Variants in DSTYK observed in about 807,000 individuals in gnomAD.
DSTYK encodes the protein RIP-homologous kinase.
A neutral mutation model predicts 98.7 loss-of-function variants in DSTYK; 34 were observed. The ratio of observed to expected loss-of-function variants is 0.34; its 90% CI spans 0.26 to 0.46. The LOEUF is 0.46. Among genes scored for constraint, DSTYK ranks in the 20% least tolerant of loss-of-function variants. DSTYK has a pLI of 1.00. For missense variants in DSTYK, 962 were observed against 1,181.7 expected (o/e 0.81, Z 2.73); for synonymous variants, 462 against 457.3 (o/e 1.01, Z -0.13).
In DSTYK at chr1:205,187,498, G is replaced by C; in HGVS notation, c.574C>G (p.Leu192Val). The C allele has an allele frequency of 6.2e-7, 1 of 1,614,186 alleles. No homozygotes were observed. Among genetic ancestry groups the C allele is most frequent in the Non-Finnish European group, 8.5e-7 (1 of 1,180,022 alleles). ...GNWETIPEED[L>V]EVQENNEDAA... ...TCCTCATTGTTCTCTTGGACCTCCA[G>C]ATCCTCCTCAGGGATGGTCTCCCAG... The change falls in exon 2 of 13, where the codon CTG (leucine) becomes GTG (valine). Residue 192 changes from leucine (L) to valine (V), a missense_variant. By Grantham distance (32) the Leu-to-Val change is conservative (BLOSUM62 1). Coordinates refer to ENST00000367162, the MANE Select transcript of DSTYK (RefSeq NM_015375.3).
chr1:205,203,155 A>C (rs986530088), intron 1 of DSTYK, among the ~76,000 whole-genome samples: 3 of 152,144 alleles, frequency 2.0e-5, no homozygotes, highest in African/African-American at 7.2e-5. Context: ...ATTGCAAATT[A>C]TAATAAGCTT....
intron 1 of DSTYK, among the ~76,000 whole-genome samples, chr1:205,189,152 CAA>C (rs61199006): frequency 6.6e-6 from 1 of 150,592 alleles, no homozygotes; most frequent in Non-Finnish European, 1.5e-5. Flanking sequence ...AAATCTAAAA[CAA>C]AAAAAAACAA....
chr1:205,166,054 AAAAC>A (rs1657880304), intron 3 of DSTYK, among the ~76,000 whole-genome samples: 1 of 152,162 alleles, frequency 6.6e-6, no homozygotes, highest in Admixed American at 6.5e-5. Context: ...ATAAAAAACA[AAAAC>A]AAACAGCTTA....
At chr1:205,163,986 T>C in intron 3 of DSTYK, 31 bp from the exon 4 acceptor site, 1 of 1,588,716 alleles carries the variant, frequency 6.3e-7, no homozygotes, top group Non-Finnish European at 8.6e-7. Flanking sequence ...GCTGAATAGT[T>C]GTGAGGAAGA....
At position 205,187,778 on chromosome 1, in the gene DSTYK, A is replaced by C. The variant is rs754249242; in HGVS notation, c.294T>G (p.Pro98=). The change falls in exon 2 of 13, where the codon CCT becomes CCG. Residue 98 remains proline (P), a synonymous_variant. Coordinates refer to ENST00000367162, the MANE Select transcript of DSTYK (RefSeq NM_015375.3). ...AGQLSCISFP[P]KEEKYLQQIV... is the part of the protein sequence containing the mutation. ...TCTGCTGGAGGTACTTCTCTTCCTT[A>C]GGTGGGAAGGAAATGCAGCTCAGTT... 39 of 1,613,408 alleles carry C rather than the reference A, an allele frequency of 2.4e-5. No homozygotes were observed. The highest frequency in any genetic ancestry group is 3.2e-5 in the Non-Finnish European group (38 of 1,179,690).
At chr1:205,179,849 G>A (rs1229439006) in intron 2 of DSTYK, among the ~76,000 whole-genome samples, 1 of 152,120 alleles carries the variant, frequency 6.6e-6, no homozygotes, top group Middle Eastern at 3.2e-3. Flanking sequence ...CAATCTCTGA[G>A]TCTCTGAATT....
chr1:205,205,059 T>C (rs1453606656), intron 1 of DSTYK, among the ~76,000 whole-genome samples: 2 of 152,194 alleles, frequency 1.3e-5, no homozygotes, highest in Non-Finnish European at 2.9e-5. Flanking sequence ...GTTTTGGATA[T>C]ACTTGGAAAA....
intron 9 of DSTYK, 133 bp downstream of exon 9, chr1:205,159,414 A>G (rs970638551): frequency 2.1e-5 from 25 of 1,180,128 alleles, no homozygotes; most frequent in Admixed American, 2.9e-5. Flanking sequence ...GTTTTTGGAA[A>G]TAAGTGAAAT....
intron 6 of DSTYK, 91 bp from the exon 7 acceptor site, chr1:205,161,478 A>ATGAAG: frequency 3.1e-6 from 4 of 1,286,780 alleles, no homozygotes; most frequent in South Asian, 1.4e-5. Context: ...TCTACTTCAT[A>ATGAAG]TAGATAATTG....
intron 1 of DSTYK, among the ~76,000 whole-genome samples, chr1:205,200,531 T>G (rs972148918): frequency 2.6e-5 from 4 of 152,294 alleles, no homozygotes; most frequent in African/African-American, 9.6e-5. Context: ...TGCCCTACAC[T>G]CCTACCCACT....
rs759014785 is a variant in DSTYK, at chr1:205,211,270, C to T, written c.265+1G>A. On this transcript the variant is annotated splice_donor_variant, in intron 1 of 12. Transcript: ENST00000367162. LOFTEE classifies it high-confidence loss of function. ...CTCTCCCTCCGGGCTGCCCTCCTTA[C>T]CCGCCTGCAGCCCGGTTTCGGCGAC... 1 of 1,604,350 alleles carries T rather than the reference C, an allele frequency of 6.2e-7. No homozygotes were observed. Among genetic ancestry groups the T allele is most frequent in the Non-Finnish European group, 8.5e-7 (1 of 1,176,358 alleles).
At chr1:205,160,315 T>C (rs767499154) in intron 7 of DSTYK, 45 bp from the exon 8 acceptor site, 1 of 1,563,578 alleles carries the variant, frequency 6.4e-7, no homozygotes, top group South Asian at 1.2e-5. Flanking sequence ...AATGGGAACT[T>C]CGTGGGCAAC....
chr1:205,165,569 G>A (rs1172272900), intron 3 of DSTYK, among the ~76,000 whole-genome samples: 1 of 152,164 alleles, frequency 6.6e-6, no homozygotes, highest in Non-Finnish European at 1.5e-5. Context: ...GCACTCTCAT[G>A]TCTACTGGTG....
intron 2 of DSTYK, among the ~76,000 whole-genome samples, chr1:205,170,783 CT>C (rs1658035753): frequency 6.6e-6 from 1 of 152,074 alleles, no homozygotes; most frequent in African/African-American, 2.4e-5. Flanking sequence ...CAGGAAAGCC[CT>C]TTAGGGTACA....
intron 1 of DSTYK, among the ~76,000 whole-genome samples, chr1:205,204,243 T>C (rs930173681): frequency 4.0e-5 from 6 of 151,818 alleles, no homozygotes; most frequent in African/African-American, 1.5e-4. Flanking sequence ...TGTAACAGAG[T>C]CTCTTTACTG....
In DSTYK at chr1:205,211,574, C is replaced by T; in HGVS notation, c.-39G>A. On this transcript the variant is annotated 5_prime_UTR_variant, in exon 1 of 13. Coordinates refer to ENST00000367162, the MANE Select transcript of DSTYK (RefSeq NM_015375.3). The stretch of plus-strand genomic sequence containing the variant: ...TCTGTCTTTGCGGCTCGGTCCCCGG[C>T]CGCAGGCCCGGCCTCCCTCCTCCCC... 2 of 1,416,886 alleles carry T rather than the reference C, an allele frequency of 1.4e-6. No homozygotes were observed. Among genetic ancestry groups the T allele is most frequent in the Non-Finnish European group, 1.8e-6 (2 of 1,093,596 alleles). 87.8% of individuals were successfully genotyped at this position (1,416,886 alleles called of 1,614,324 possible).
In DSTYK at chr1:205,163,895, C is replaced by T. The variant is rs758359517; in HGVS notation, c.1385G>A (p.Arg462Gln). 1.1e-5 allele frequency: 18 copies of T among 1,614,046 alleles called. No individual in the cohort carries two copies. The highest frequency in any genetic ancestry group is 3.3e-5 in the South Asian group (3 of 91,070). The change falls in exon 4 of 13, where the codon CGA (arginine) becomes CAA (glutamine). Residue 462 changes from arginine (R) to glutamine (Q), a missense_variant. Physicochemically the swap from Arg to Gln is conservative, Grantham distance 43. This residue lies in a region of DSTYK where 660 missense variants were observed against 855.0 expected (regional missense o/e 0.77). Transcript: ENST00000367162. ...GGAGATGATGAGTTCCTGGATCTGT[C>T]GGATGCAGCATTTGATCTCTCTGGT... is the stretch of plus-strand genomic sequence containing the variant. ...VGTREIKCCI[R>Q]QIQELIISRL...
chr1:205,204,179 C>CA (rs1167321638), intron 1 of DSTYK, among the ~76,000 whole-genome samples: 1 of 152,126 alleles, frequency 6.6e-6, no homozygotes, highest in Non-Finnish European at 1.5e-5. Flanking sequence ...GATAGTCTCC[C>CA]ACTCAGTAAA....
intron 2 of DSTYK, among the ~76,000 whole-genome samples, chr1:205,170,214 G>A (rs962505342): frequency 6.6e-6 from 1 of 152,068 alleles, no homozygotes; most frequent in African/African-American, 2.4e-5. Context: ...GGAGTGAGTC[G>A]ACCTGGGGCA....
Sources: allele counts gnomAD v4.1 joint callset (sites outside exome capture counted in the v4.1 genomes callset), GRCh38; gene constraint gnomAD v4.1.1; regional missense constraint gnomAD v4.1.1; transcripts MANE v1.5; gene names NCBI Gene and HGNC (gene_info 2026-07-23, HGNC 2026-07-21).